Variants in DNAAF6 observed in about 807,000 individuals in gnomAD.
DNAAF6 encodes the protein dynein axonemal assembly factor 6.
Under a neutral mutation model 13.7 loss-of-function variants are expected in DNAAF6, and 3 were observed. The ratio of observed to expected loss-of-function variants is 0.22; its 90% confidence interval spans 0.10 to 0.56. DNAAF6 has a LOEUF of 0.56. Ranked by LOEUF, DNAAF6 falls within the 20% of genes least tolerant of loss-of-function variation. The pLI is 0.92. For missense variants in DNAAF6, 130 were observed against 151.0 expected (o/e 0.86, Z 0.73); for synonymous variants, 54 against 49.2 (o/e 1.10, Z -0.41).
Position 107,243,334 on chromosome X carries a change from A to G in DNAAF6, c.*36A>G, listed in dbSNP as rs1259591582. 8.6e-7 allele frequency: 1 copy of G among 1,166,668 alleles called. No homozygotes were observed. Among genetic ancestry groups the G allele is most frequent in the Admixed American group, 2.7e-5 (1 of 37,290 alleles). On this transcript the variant is annotated 3_prime_UTR_variant, in exon 7 of 7. Coordinates refer to ENST00000372453, the MANE Select transcript of DNAAF6 (RefSeq NM_173494.2). Reference sequence around the variant, plus strand: ...AAAAGATAAAAAGTAGTAAAATGGCATTGGTAACAATTAAAAAACTTTGAA... The same window carrying G: ...AAAAGATAAAAAGTAGTAAAATGGCGTTGGTAACAATTAAAAAACTTTGAA...
chrX:107,232,072 G>A (rs768334543), intron 5 of DNAAF6, among the ~76,000 whole-genome samples: 1 of 111,349 alleles, frequency 9.0e-6, no homozygotes, highest in East Asian at 2.8e-4. Context: ...TGGTCAGGCT[G>A]GTCTCAAACT....
chrX:107,226,447 G>T (rs1928257186), intron 5 of DNAAF6, among the ~76,000 whole-genome samples: 2 of 111,854 alleles, frequency 1.8e-5, no homozygotes, highest in Admixed American at 9.5e-5. Flanking sequence ...CAGACTGACT[G>T]AAGTACTGGA....
chrX:107,244,003 A>G lies in DNAAF6; in HGVS notation c.*705A>G, dbSNP rs191142471. 1 of 112,785 alleles carries G rather than the reference A, an allele frequency of 8.9e-6. No individual in the cohort carries two copies. The highest frequency in any genetic ancestry group is 3.2e-5 in the African/African-American group (1 of 31,015). 9.3% of individuals were successfully genotyped at this position (112,785 alleles called of 1,213,427 possible). A position where few individuals can be genotyped will look rare whatever the true frequency, so the allele number is the denominator to read the frequency against. On this transcript the variant is annotated 3_prime_UTR_variant, in exon 7 of 7. Transcript: ENST00000372453. The stretch of plus-strand genomic sequence containing the variant: ...GGCTCTCACTGTTGTTCTGGAATAT[A>G]CAGGTAATAAATAGTTTGATGTACC...
At chrX:107,215,496 T>G (rs906275891) in intron 2 of DNAAF6, among the ~76,000 whole-genome samples, 2 of 112,270 alleles carry the variant, frequency 1.8e-5, no homozygotes, top group Admixed American at 9.5e-5. Flanking sequence ...GATTTTCACA[T>G]AAAAATGCCT....
At chrX:107,218,728 T>C (rs1928052484) in intron 3 of DNAAF6, 136 bp from the exon 4 acceptor site, 1 of 557,394 alleles carries the variant, frequency 1.8e-6, no homozygotes, top group East Asian at 4.2e-5. Flanking sequence ...TTAGTTTGTT[T>C]TGATCAAAAA....
At chrX:107,221,137 A>AATGTTTTTT (rs1928129230) in intron 4 of DNAAF6, among the ~76,000 whole-genome samples, 1 of 108,295 alleles carries the variant, frequency 9.2e-6, no homozygotes, top group Non-Finnish European at 1.9e-5. Context: ...AGGCCTGGCT[A>AATGTTTTTT]ATGTTTTTTG....
At chrX:107,239,478 A>T (rs1237421078) in intron 6 of DNAAF6, among the ~76,000 whole-genome samples, 1 of 111,909 alleles carries the variant, frequency 8.9e-6, no homozygotes, top group Non-Finnish European at 1.9e-5. Flanking sequence ...CTTTGTGCAC[A>T]TCTTATCTGG....
chrX:107,226,364 A>C (rs1928256076), intron 5 of DNAAF6, among the ~76,000 whole-genome samples: 1 of 111,440 alleles, frequency 9.0e-6, no homozygotes, highest in Admixed American at 9.5e-5. Context: ...CAAAGCTCTC[A>C]CTGTAATGGG....
At chrX:107,224,612 G>T (rs765569359) in intron 5 of DNAAF6, among the ~76,000 whole-genome samples, 5 of 111,235 alleles carry the variant, frequency 4.5e-5, no homozygotes, top group African/African-American at 1.6e-4. Context: ...CAGAGACTGG[G>T]AAGGGCAGTG....
chrX:107,221,800 T>A (rs1302330389), intron 4 of DNAAF6, among the ~76,000 whole-genome samples: 22 of 110,636 alleles, frequency 2.0e-4, no homozygotes, highest in African/African-American at 6.5e-4. Flanking sequence ...CTCAGAGAAA[T>A]CCCTTTTTTA....
At chrX:107,215,600 T>C (rs763234526) in intron 2 of DNAAF6, among the ~76,000 whole-genome samples, 11 of 111,952 alleles carry the variant, frequency 9.8e-5, no homozygotes, top group African/African-American at 3.6e-4. Flanking sequence ...ATAGATTAAT[T>C]TCTGATTTAT....
intron 5 of DNAAF6, among the ~76,000 whole-genome samples, chrX:107,224,892 A>C (rs1928221640): frequency 9.1e-6 from 1 of 109,310 alleles, no homozygotes; most frequent in African/African-American, 3.3e-5. Context: ...TGCACCCCAT[A>C]AATATATTTT....
chrX:107,241,233 C>T (rs1928617523), intron 6 of DNAAF6, among the ~76,000 whole-genome samples: 1 of 111,838 alleles, frequency 8.9e-6, no homozygotes, highest in Admixed American at 9.5e-5. Context: ...TAAGTATAAG[C>T]ATGTAAGTCT....
chrX:107,206,670 G>C lies in DNAAF6; in HGVS notation c.-24G>C, dbSNP rs920203920. 9.0e-6 allele frequency: 1 copy of C among 111,389 alleles called. No individual in the cohort carries two copies. The highest frequency in any genetic ancestry group is 1.9e-5 in the Non-Finnish European group (1 of 53,119). 9.2% of individuals were successfully genotyped at this position (111,389 alleles called of 1,213,427 possible). A position where few individuals can be genotyped will look rare whatever the true frequency, so the allele number is the denominator to read the frequency against. ...ACAGTCTATTTTCGGAGCCTAGCCAGAGACGGGAAAACTGACCAAGGTGAG... is the reference window on the plus strand; with the variant it reads ...ACAGTCTATTTTCGGAGCCTAGCCACAGACGGGAAAACTGACCAAGGTGAG... On this transcript the variant is annotated 5_prime_UTR_variant, in exon 1 of 7. Coordinates refer to ENST00000372453, the MANE Select transcript of DNAAF6 (RefSeq NM_173494.2).
chrX:107,207,286 G>A (rs1934894101), intron 1 of DNAAF6: 1 of 111,760 alleles, frequency 8.9e-6, no homozygotes, highest in South Asian at 3.8e-4. Context: ...GCTGTGGTCT[G>A]AGGGTTCCAG....
chrX:107,214,123 G>T (rs1309133392), intron 2 of DNAAF6, among the ~76,000 whole-genome samples: 1 of 111,502 alleles, frequency 9.0e-6, no homozygotes, highest in Non-Finnish European at 1.9e-5. Context: ...CCAGGATCAG[G>T]AACCAGGAAG....
At position 107,222,658 on chromosome X, in the gene DNAAF6, C is replaced by T. The variant is rs1228983497; in HGVS notation, c.333-87C>T. ...TTAGTCCTTTTATTTTACCTAATAG[C>T]ATATCCTCATAAGTTACTAGTTTTC... On this transcript the variant is annotated intron_variant, in intron 4 of 6. Coordinates refer to ENST00000372453, the MANE Select transcript of DNAAF6 (RefSeq NM_173494.2). The T allele has an allele frequency of 9.3e-6, 10 of 1,075,097 alleles. No homozygotes were observed. In the Admixed American group the frequency reaches 3.1e-4, roughly 33 times the overall value. 88.6% of individuals were successfully genotyped at this position (1,075,097 alleles called of 1,213,427 possible). A position where few individuals can be genotyped will look rare whatever the true frequency, so the allele number is the denominator to read the frequency against.
chrX:107,216,305 C>T (rs1201713900), intron 2 of DNAAF6, among the ~76,000 whole-genome samples: 1 of 111,711 alleles, frequency 9.0e-6, no homozygotes, highest in East Asian at 2.8e-4. Context: ...CCAGACACTG[C>T]TAAACCCCAA....
chrX:107,222,089 A>C (rs1928157648), intron 4 of DNAAF6, among the ~76,000 whole-genome samples: 1 of 110,527 alleles, frequency 9.0e-6, no homozygotes, highest in Admixed American at 9.6e-5. Flanking sequence ...TATCAGGAAA[A>C]CCTTTCATTA....
Sources: gnomAD v4.1 joint callset for allele counts (sites outside exome capture counted in the v4.1 genomes callset) on GRCh38, gnomAD v4.1.1 for gene constraint, MANE v1.5 for transcripts, NCBI Gene and HGNC (gene_info 2026-07-23, HGNC 2026-07-21) for gene names.